Variants in NDNF observed in about 807,000 individuals in gnomAD.
NDNF encodes neuron derived neurotrophic factor.
Under a neutral mutation model 42.0 loss-of-function variants are expected in NDNF, and 16 were observed. The ratio of observed to expected loss-of-function variants is 0.38; its 90% CI spans 0.26 to 0.58. NDNF has a LOEUF of 0.58. Among genes scored for constraint, NDNF ranks in the 20% least tolerant of loss-of-function variants. The pLI, the probability that NDNF is intolerant of heterozygous loss-of-function variation, is 0.67. For synonymous variants in NDNF, 248 were observed against 251.7 expected (o/e 0.99, Z 0.14); for missense variants, 616 against 666.2 (o/e 0.92, Z 0.83).
chr4:121,066,327 G>A (rs1242664321), intron 1 of NDNF, among the ~76,000 whole-genome samples: 1 of 152,044 alleles, frequency 6.6e-6, no homozygotes, highest in Non-Finnish European at 1.5e-5. Context: ...CCCACTGTTG[G>A]CAACAAATCT....
rs189137235 is a variant in NDNF, at chr4:121,061,731, T to C, written c.-2+10262A>G. Among the ~76,000 whole-genome samples, 229 of 152,338 alleles carry C rather than the reference T, an allele frequency of 1.5e-3. 2 individuals are homozygous for C. The highest frequency in any genetic ancestry group is 2.1e-3 in the Admixed American group (32 of 15,302). ...GTGTATTTATTCATTTATTCATGCATTTATTCATTTATTCAAGTTTTGAAA... is the reference window on the plus strand; with the variant it reads ...GTGTATTTATTCATTTATTCATGCACTTATTCATTTATTCAAGTTTTGAAA... On this transcript the variant is annotated intron_variant, in intron 1 of 3. Coordinates refer to ENST00000379692, the MANE Select transcript of NDNF (RefSeq NM_024574.4).
intron 1 of NDNF, among the ~76,000 whole-genome samples, chr4:121,063,760 C>T (rs1727455378): frequency 6.6e-6 from 1 of 152,164 alleles, no homozygotes; most frequent in Non-Finnish European, 1.5e-5. Context: ...TGTTCCACTT[C>T]ACTTTCAGTG....
chr4:121,039,211 T>A (rs377498522), intron 3 of NDNF, among the ~76,000 whole-genome samples: 2 of 52,876 alleles, frequency 3.8e-5, no homozygotes, highest in African/African-American at 9.3e-5. Flanking sequence ...TATATATATA[T>A]ATATATATAT....
intron 2 of NDNF, 131 bp downstream of exon 2, chr4:121,045,519 C>A: frequency 1.4e-6 from 1 of 703,488 alleles, no homozygotes; most frequent in Non-Finnish European, 2.4e-6. Context: ...TTCCCCCTTA[C>A]TTACAGAAAA....
Position 121,037,031 on chromosome 4 carries a change from C to T in NDNF, c.940G>A (p.Val314Ile), listed in dbSNP as rs759909636. 11 of 1,613,964 alleles carry T rather than the reference C, an allele frequency of 6.8e-6. No homozygotes were observed. The highest frequency in any genetic ancestry group is 1.7e-5 in the Admixed American group (1 of 59,982). ...LKPDTQYYFD[V>I]FVVNINSNMS... ...TTGCTGTTGATGTTGACCACAAATA[C>T]ATCAAAGTAGTACTGCGTGTCGGGT... Residue 314 changes from valine to isoleucine, a missense_variant, in exon 4 of 4, where the codon GTA (valine) becomes ATA (isoleucine). Coordinates refer to ENST00000379692, the MANE Select transcript of NDNF (RefSeq NM_024574.4).
chr4:121,056,918 T>C (rs868376188), intron 1 of NDNF, among the ~76,000 whole-genome samples: 1 of 152,302 alleles, frequency 6.6e-6, no homozygotes, highest in South Asian at 2.1e-4. Context: ...TACCCACCAA[T>C]AAGGCAGTGA....
chr4:121,071,072 G>A (rs889623859), intron 1 of NDNF, among the ~76,000 whole-genome samples: 11 of 152,206 alleles, frequency 7.2e-5, no homozygotes, highest in Admixed American at 2.6e-4. Flanking sequence ...TTTGCAAAGT[G>A]CCTCCAAGAA....
rs1727054040 is a variant in NDNF, at chr4:121,044,385, T to TGTATCCCA, written c.188+1264_188+1265insTGGGATAC. Among the ~76,000 whole-genome samples, 5 of 152,296 alleles carry TGTATCCCA rather than the reference T, an allele frequency of 3.3e-5. No homozygotes were observed. In the South Asian group the frequency reaches 1.0e-3, roughly 32 times the overall value. ...TGTATCCCAGGTTAGAAGGAGCAAC[T>TGTATCCCA]GGTTTTGAAATATAATTATCCAAAG... is the stretch of plus-strand genomic sequence containing the variant. On this transcript the variant is annotated intron_variant, in intron 2 of 3. Coordinates refer to ENST00000379692, the MANE Select transcript of NDNF (RefSeq NM_024574.4).
chr4:121,059,474 A>C (rs1727363294), intron 1 of NDNF, among the ~76,000 whole-genome samples: 1 of 152,226 alleles, frequency 6.6e-6, no homozygotes, highest in Non-Finnish European at 1.5e-5. Context: ...TGTGAAACCT[A>C]AGTAGTCTGG....
chr4:121,054,997 G>GTT (rs5861509), intron 1 of NDNF, among the ~76,000 whole-genome samples: 136 of 148,646 alleles, frequency 9.1e-4, no homozygotes, highest in Middle Eastern at 6.9e-3. Flanking sequence ...ACTCAGCTAG[G>GTT]TTTTTTTTTT....
intron 2 of NDNF, among the ~76,000 whole-genome samples, chr4:121,043,466 AT>A (rs1480462129): frequency 6.6e-6 from 1 of 152,138 alleles, no homozygotes; most frequent in Non-Finnish European, 1.5e-5. Flanking sequence ...GTATGTTAAC[AT>A]TTTTTCCTAT....
chr4:121,065,785 C>T lies in NDNF; in HGVS notation c.-2+6208G>A, dbSNP rs77421529. On this transcript the variant is annotated intron_variant, in intron 1 of 3. Transcript: ENST00000379692. ...ATACATATATATGTATAAAATAACC[C>T]CTTCTAAAATGTTGTCTTAAGTGAT... Among the ~76,000 whole-genome samples, 1,425 of 151,530 alleles carry T rather than the reference C, an allele frequency of 9.4e-3. 50 individuals are homozygous for T. Among genetic ancestry groups the T allele is most frequent in the East Asian group, 0.077 (395 of 5,140 alleles).
At position 121,035,797 on chromosome 4, in the gene NDNF, G is replaced by C. The variant is rs1726852282; in HGVS notation, c.*467C>G. ...ACTTAATAATACTTAGATTAGATCT[G>C]TACTTTAATAGGAAAAGAATTTAAT... is the stretch of plus-strand genomic sequence containing the variant. On this transcript the variant is annotated 3_prime_UTR_variant, in exon 4 of 4. Transcript: ENST00000379692. 1 of 152,826 alleles carries C rather than the reference G, an allele frequency of 6.5e-6. No individual in the cohort carries two copies. Among genetic ancestry groups the C allele is most frequent in the Non-Finnish European group, 1.5e-5 (1 of 68,286 alleles). 9.5% of individuals were successfully genotyped at this position (152,826 alleles called of 1,614,324 possible).
chr4:121,067,692 GT>G (rs1448046394), intron 1 of NDNF, among the ~76,000 whole-genome samples: 1 of 152,238 alleles, frequency 6.6e-6, no homozygotes, highest in Admixed American at 6.5e-5. Context: ...CATTTTGCTA[GT>G]TTGCTTTTAT....
Position 121,036,878 on chromosome 4 carries a change from A to C in NDNF, c.1093T>G (p.Phe365Val). ...VKRKGAKFLR[F>V]APVSSHQKVT... ...TTTTGGTGAGAAGAGACTGGAGCAA[A>C]CCGTAGAAACTTTGCTCCCTTCCTT... The change falls in exon 4 of 4, where the codon TTT becomes GTT. Residue 365 changes from phenylalanine (F) to valine (V), a missense_variant. Physicochemically the swap from Phe to Val is conservative, Grantham distance 50. Coordinates refer to ENST00000379692, the MANE Select transcript of NDNF (RefSeq NM_024574.4). 6.2e-7 allele frequency: 1 copy of C among 1,614,070 alleles called. No individual in the cohort carries two copies. Among genetic ancestry groups the C allele is most frequent in the Admixed American group, 1.7e-5 (1 of 60,012 alleles).
intron 1 of NDNF, among the ~76,000 whole-genome samples, chr4:121,071,111 G>C (rs1727588016): frequency 6.6e-6 from 1 of 152,176 alleles, no homozygotes. Context: ...TCACTCGTTC[G>C]GACTCCTAGG....
At position 121,036,778 on chromosome 4, in the gene NDNF, G is replaced by A; in HGVS notation, c.1193C>T (p.Ser398Phe). The change falls in exon 4 of 4, where the codon TCT becomes TTT. Residue 398 changes from serine (S) to phenylalanine (F), a missense_variant. Coordinates refer to ENST00000379692, the MANE Select transcript of NDNF (RefSeq NM_024574.4). The stretch of plus-strand genomic sequence containing the variant: ...CTGCTGAATGCCTTCCACATTCTGA[G>A]ACAGAAGAAGTTTCCCATCTCTTCT... ...QVRRDGKLLL[S>F]QNVEGIQQFQ... The A allele has an allele frequency of 3.1e-6, 5 of 1,614,132 alleles. No individual in the cohort carries two copies. Among genetic ancestry groups the A allele is most frequent in the Non-Finnish European group, 4.2e-6 (5 of 1,180,024 alleles).
Position 121,036,607 on chromosome 4 carries a change from G to T in NDNF, c.1364C>A (p.Ala455Asp). The T allele has an allele frequency of 6.2e-7, 1 of 1,614,110 alleles. No homozygotes were observed. Among genetic ancestry groups the T allele is most frequent in the South Asian group, 1.1e-5 (1 of 91,078 alleles). The part of the protein sequence containing the change: ...PSLPEDTRIK[A>D]FDKLRTCSSA... The stretch of plus-strand genomic sequence containing the variant: ...GGAACAGGTACGGAGCTTGTCAAAG[G>T]CTTTGATTCTTGTGTCTTCAGGAAG... Residue 455 changes from alanine to aspartate, a missense_variant, in exon 4 of 4, where the codon GCC becomes GAC. Physicochemically the swap from Ala to Asp is moderately radical, Grantham distance 126 (BLOSUM62 -2). Coordinates refer to ENST00000379692, the MANE Select transcript of NDNF (RefSeq NM_024574.4).
intron 2 of NDNF, among the ~76,000 whole-genome samples, chr4:121,042,156 G>C (rs1727009628): frequency 6.6e-6 from 1 of 152,076 alleles, no homozygotes; most frequent in Admixed American, 6.5e-5. Context: ...GCCCTGTTAG[G>C]GTTCATTTAT....
Sources: allele counts gnomAD v4.1 joint callset (sites outside exome capture counted in the v4.1 genomes callset), GRCh38; gene constraint gnomAD v4.1.1; transcripts MANE v1.5; gene names NCBI Gene and HGNC (gene_info 2026-07-23, HGNC 2026-07-21).